Variants in TNPO2 observed in about 807,000 individuals in gnomAD.
TNPO2 encodes the protein transportin-2.
Under a neutral mutation model 111.1 loss-of-function variants are expected in TNPO2, and 16 were observed. The ratio of observed to expected loss-of-function variants is 0.14; its 90% CI spans 0.10 to 0.22. The LOEUF is 0.22. TNPO2 is among the 10% of genes least tolerant of loss of function. The pLI is 1.00. For missense variants in TNPO2, 530 were observed against 1,173.7 expected, an observed-to-expected ratio of 0.45 and a Z score of 8.01; for synonymous variants, 481 against 475.8, an observed-to-expected ratio of 1.01 and a Z score of -0.14.
chr19:12,707,107 C>T (rs1274669267), intron 13 of TNPO2, among the ~76,000 whole-genome samples: 2 of 152,178 alleles, frequency 1.3e-5, no homozygotes, highest in East Asian at 1.9e-4. Flanking sequence ...AAACAATTCT[C>T]CTGCCTCAGC....
Position 12,705,867 on chromosome 19 carries a change from T to A in TNPO2, c.1669-99A>T. ...GTGATGAGGCCTGAGCGCCTCACCG[T>A]GGCTCATGGGACCCTGAAAGGCCTG... On this transcript the variant is annotated intron_variant, in intron 15 of 25. Coordinates refer to ENST00000425528, the MANE Select transcript of TNPO2 (RefSeq NM_001382241.1). The surrounding 1 kb of genome is among the most constrained non-coding windows in gnomAD (Gnocchi z 7.2). The A allele has an allele frequency of 1.1e-6, 1 of 896,882 alleles. No homozygotes were observed. Among genetic ancestry groups the A allele is most frequent in the Non-Finnish European group, 1.7e-6 (1 of 603,568 alleles). 55.6% of individuals were successfully genotyped at this position (896,882 alleles called of 1,614,324 possible).
At position 12,721,194 on chromosome 19, in the gene TNPO2, G is replaced by C; in HGVS notation, c.-13-204C>G. ...CGCGCAGTCGCGGGCTCGGGAGCGC[G>C]GGAGGGGGGATGTGGAAACGGGCCA... On this transcript the variant is annotated intron_variant, in intron 2 of 25. Transcript: ENST00000425528. This position sits in a 1 kb window ranked among gnomAD's most constrained non-coding sequence, Gnocchi z 4.9. 1 of 1,381,948 alleles carries C rather than the reference G, an allele frequency of 7.2e-7. No homozygotes were observed. Among genetic ancestry groups the C allele is most frequent in the Non-Finnish European group, 9.3e-7 (1 of 1,074,836 alleles). 85.6% of individuals were successfully genotyped at this position (1,381,948 alleles called of 1,614,324 possible).
chr19:12,720,271 G>A lies in TNPO2; in HGVS notation c.99+608C>T, dbSNP rs186846141. On this transcript the variant is annotated intron_variant, in intron 3 of 25. Coordinates refer to ENST00000425528, the MANE Select transcript of TNPO2 (RefSeq NM_001382241.1). Reference sequence around the variant, plus strand: ...TGACCTCAGGTGATCCGTCCGCCTCGGCCTCCCAAAGTGCTGGGATTGCAG... The same window carrying A: ...TGACCTCAGGTGATCCGTCCGCCTCAGCCTCCCAAAGTGCTGGGATTGCAG... Among the ~76,000 whole-genome samples the A allele has an allele frequency of 8.0e-3, 1,217 of 152,024 alleles. 11 individuals are homozygous for A. The highest frequency in any genetic ancestry group is 0.026 in the South Asian group (123 of 4,814).
At position 12,705,029 on chromosome 19, in the gene TNPO2, T is replaced by C. The variant is rs140720041; in HGVS notation, c.2022+211A>G. On this transcript the variant is annotated intron_variant, in intron 18 of 25. Transcript: ENST00000425528. This position sits in a 1 kb window ranked among gnomAD's most constrained non-coding sequence, Gnocchi z 7.2. ...CTTTAAAAAAAATTTTTTTTTTTAA[T>C]TTTAGAACTGGGGTTTCACTATGTT... is the stretch of plus-strand genomic sequence containing the variant. 5.8e-3 allele frequency among the ~76,000 whole-genome samples: 879 copies of C among 152,224 alleles called. 11 individuals carry two copies. The highest frequency in any genetic ancestry group is 0.02 in the African/African-American group (839 of 41,524).
Position 12,701,101 on chromosome 19 carries a change from T to TGGACGGAC in TNPO2, c.*155_*162dup, listed in dbSNP as rs373243036. 535 of 451,182 alleles carry TGGACGGAC rather than the reference T, an allele frequency of 1.2e-3. 3 individuals carry two copies. Among genetic ancestry groups the TGGACGGAC allele is most frequent in the African/African-American group, 7.3e-3 (366 of 50,214 alleles). The allele number at this position is 451,182 out of a possible 1,614,324, so 27.9% of individuals were successfully genotyped here. A position where few individuals can be genotyped will look rare whatever the true frequency, so the allele number is the denominator to read the frequency against. ...CCTGCCAGGAGGGCAAGTGGACGGATGGACGGACGGACGGACGGACGGGGA... is the reference window on the plus strand; with the variant it reads ...CCTGCCAGGAGGGCAAGTGGACGGATGGACGGACGGACGGACGGACGGACGGACGGGGA... On this transcript the variant is annotated 3_prime_UTR_variant, in exon 26 of 26. Coordinates refer to ENST00000425528, the MANE Select transcript of TNPO2 (RefSeq NM_001382241.1). This position sits in a 1 kb window ranked among gnomAD's most constrained non-coding sequence, Gnocchi z 5.0.
chr19:12,719,182 G>C lies in TNPO2; in HGVS notation c.176-4C>G. 6.2e-7 allele frequency: 1 copy of C among 1,613,940 alleles called. No individual in the cohort carries two copies. Among genetic ancestry groups the C allele is most frequent in the East Asian group, 2.2e-5 (1 of 44,872 alleles). ...CTGAGAGAGCGCGTTGGCTCATCTG[G>C]GAGGAGGAAGGCTGAGGTTCAGGGG... On this transcript the variant is annotated splice_region_variant and splice_polypyrimidine_tract_variant and intron_variant, in intron 4 of 25. Transcript: ENST00000425528. This position sits in a 1 kb window ranked among gnomAD's most constrained non-coding sequence, Gnocchi z 5.0.
In TNPO2 at chr19:12,715,222, A is replaced by T. The variant is rs746851618; in HGVS notation, c.648+21T>A. 6.2e-7 allele frequency: 1 copy of T among 1,613,258 alleles called. No homozygotes were observed. The highest frequency in any genetic ancestry group is 8.5e-7 in the Non-Finnish European group (1 of 1,179,694). Reference sequence around the variant, plus strand: ...GGGGCCCTCAGTCCTCGCCCTGCCCACCCCCAGCCCAGCGGCCCACCTCGA... The same window carrying T: ...GGGGCCCTCAGTCCTCGCCCTGCCCTCCCCCAGCCCAGCGGCCCACCTCGA... On this transcript the variant is annotated intron_variant, in intron 8 of 25. Transcript: ENST00000425528. The surrounding 1 kb of genome is among the most constrained non-coding windows in gnomAD (Gnocchi z 7.1).
intron 20 of TNPO2, 136 bp from the exon 21 acceptor site, chr19:12,703,054 C>T: frequency 1.3e-6 from 1 of 751,864 alleles, no homozygotes; most frequent in South Asian, 1.7e-5. Context: ...AAACAAAAGA[C>T]CTTCTCCGGC....
rs1366589736 is a variant in TNPO2, at chr19:12,703,811, C to G, written c.2023-10G>C. The G allele has an allele frequency of 6.4e-7, 1 of 1,568,964 alleles. No individual in the cohort carries two copies. Among genetic ancestry groups the G allele is most frequent in the African/African-American group, 1.4e-5 (1 of 73,942 alleles). On this transcript the variant is annotated splice_polypyrimidine_tract_variant and intron_variant, in intron 18 of 25. Coordinates refer to ENST00000425528, the MANE Select transcript of TNPO2 (RefSeq NM_001382241.1). Reference sequence around the variant, plus strand: ...CCTCAGGCATCGAGTCCTGGGGATTCAAGTAAGATCAGTGTGGCTAGGCTC... The same window carrying G: ...CCTCAGGCATCGAGTCCTGGGGATTGAAGTAAGATCAGTGTGGCTAGGCTC...
intron 18 of TNPO2, 63 bp from the exon 19 acceptor site, chr19:12,703,864 G>T: frequency 7.1e-7 from 1 of 1,414,684 alleles, no homozygotes; most frequent in Non-Finnish European, 9.6e-7. Context: ...ACAGCTCAGG[G>T]GGCACAGTCC....
At chr19:12,720,135 G>C (rs2026595349) in intron 3 of TNPO2, among the ~76,000 whole-genome samples, 1 of 151,932 alleles carries the variant, frequency 6.6e-6, no homozygotes, top group South Asian at 2.1e-4. Context: ...TCCTGCCTCA[G>C]CCTCCCAATT....
chr19:12,702,971 C>T lies in TNPO2; in HGVS notation c.2210-53G>A. 4 of 1,531,190 alleles carry T rather than the reference C, an allele frequency of 2.6e-6. No homozygotes were observed. Among genetic ancestry groups the T allele is most frequent in the Non-Finnish European group, 3.6e-6 (4 of 1,108,760 alleles). The allele number at this position is 1,531,190 out of a possible 1,614,324, so 94.9% of individuals were successfully genotyped here. ...CACAGCCCCCGCCACCCACAGGGGC[C>T]AGGGGGCCGCCCCACCTCACTCACT... On this transcript the variant is annotated intron_variant, in intron 20 of 25. Coordinates refer to ENST00000425528, the MANE Select transcript of TNPO2 (RefSeq NM_001382241.1). The surrounding 1 kb of genome is among the most constrained non-coding windows in gnomAD (Gnocchi z 5.5).
At position 12,701,406 on chromosome 19, in the gene TNPO2, C is replaced by T. The variant is rs2025289211; in HGVS notation, c.2634G>A (p.Gln878=). 1 of 1,614,008 alleles carries T rather than the reference C, an allele frequency of 6.2e-7. No individual in the cohort carries two copies. The highest frequency in any genetic ancestry group is 1.1e-5 in the South Asian group (1 of 91,084). ...GCAGCGGCGGGAATTGCTCAGAGAA[C>T]TGCTGCCAGTTATCTTCCCCAACTT... ...KDQVGEDNWQ[Q]FSEQFPPLLK... Residue 878 remains glutamine, a synonymous_variant, in exon 25 of 26, where the codon CAG becomes CAA. Transcript: ENST00000425528. This position sits in a 1 kb window ranked among gnomAD's most constrained non-coding sequence, Gnocchi z 5.0.
chr19:12,712,609 C>T (rs571473588), intron 10 of TNPO2, among the ~76,000 whole-genome samples: 1 of 152,338 alleles, frequency 6.6e-6, no homozygotes, highest in Non-Finnish European at 1.5e-5. Context: ...TTTGTCTACT[C>T]TCCCTCTCTG....
rs750584750 is a variant in TNPO2 at position 12,711,520 on chromosome 19, ATGCCCACCCATGC to A, written c.951+20_951+32del. ...GACCACAGCCGCGACACCCACGCCC[ATGCCCACCCATGC>A]TGGGTGGGCCCTGCCTGACCTTGAG... On this transcript the variant is annotated intron_variant, in intron 11 of 25. Coordinates refer to ENST00000425528, the MANE Select transcript of TNPO2 (RefSeq NM_001382241.1). 5.0e-6 allele frequency: 8 copies of A among 1,613,842 alleles called. No individual in the cohort carries two copies. In the East Asian group the frequency reaches 1.8e-4, roughly 36 times the overall value.
In TNPO2 at chr19:12,701,447, G is replaced by A; in HGVS notation, c.2593C>T (p.His865Tyr). 6.2e-7 allele frequency: 1 copy of A among 1,613,884 alleles called. No individual in the cohort carries two copies. The highest frequency in any genetic ancestry group is 8.5e-7 in the Non-Finnish European group (1 of 1,179,832). The part of the protein sequence containing the change: ...DLRDMFYKIL[H>Y]GFKDQVGEDN... Reference sequence around the variant, plus strand: ...TCCCCAACTTGGTCTTTGAAGCCGTGGAGAATCTGTGGGGAGGGTGGTGGT... The same window carrying A: ...TCCCCAACTTGGTCTTTGAAGCCGTAGAGAATCTGTGGGGAGGGTGGTGGT... Residue 865 changes from histidine to tyrosine, a missense_variant, in exon 25 of 26, where the codon CAC becomes TAC. By Grantham distance (83) the His-to-Tyr change is moderately conservative. Around this residue, in one of 4 missense-constraint regions of TNPO2, gnomAD observed 103 missense variants for 156.7 expected, o/e 0.66. Transcript: ENST00000425528. This position sits in a 1 kb window ranked among gnomAD's most constrained non-coding sequence, Gnocchi z 5.0.
rs1171414697 is a variant in TNPO2, at chr19:12,705,644, C to CA, written c.1755+37dup. On this transcript the variant is annotated intron_variant, in intron 16 of 25. Coordinates refer to ENST00000425528, the MANE Select transcript of TNPO2 (RefSeq NM_001382241.1). The surrounding 1 kb of genome is among the most constrained non-coding windows in gnomAD (Gnocchi z 7.2). ...GTGGGGAGAACTCAGGCAGGGTGGGCAGGATGGGTTTCGGGTGAGGGGCAG... is the reference window on the plus strand; with the variant it reads ...GTGGGGAGAACTCAGGCAGGGTGGGCAAGGATGGGTTTCGGGTGAGGGGCAG... 2 of 1,569,122 alleles carry CA rather than the reference C, an allele frequency of 1.3e-6. No homozygotes were observed. Among genetic ancestry groups the CA allele is most frequent in the African/African-American group, 2.7e-5 (2 of 73,974 alleles).
Position 12,719,882 on chromosome 19 carries a change from A to G in TNPO2, c.100-546T>C, listed in dbSNP as rs147363898. On this transcript the variant is annotated intron_variant, in intron 3 of 25. Coordinates refer to ENST00000425528, the MANE Select transcript of TNPO2 (RefSeq NM_001382241.1). This position sits in a 1 kb window ranked among gnomAD's most constrained non-coding sequence, Gnocchi z 5.0. ...CCTGAAGACCCAGCCAGAGCAGGAG[A>G]GGGAAGGAGAATCCCACTCCTCTTA... 6.6e-6 allele frequency among the ~76,000 whole-genome samples: 1 copy of G among 151,144 alleles called. No individual in the cohort carries two copies. The highest frequency in any genetic ancestry group is 2.4e-5 in the African/African-American group (1 of 41,132).
intron 10 of TNPO2, among the ~76,000 whole-genome samples, chr19:12,714,406 G>A (rs2026248775): frequency 6.6e-6 from 1 of 150,786 alleles, no homozygotes; most frequent in African/African-American, 2.4e-5. Context: ...TCAGCCTCCT[G>A]GGTTCAAGCA....
Sources: allele counts gnomAD v4.1 joint callset (sites outside exome capture counted in the v4.1 genomes callset), GRCh38; gene constraint gnomAD v4.1.1; regional missense constraint gnomAD v4.1.1; non-coding constraint Gnocchi (gnomAD v3.1); transcripts MANE v1.5; gene names NCBI Gene and HGNC (gene_info 2026-07-23, HGNC 2026-07-21).